SOX6: variants seen among roughly 807,000 people sequenced by gnomAD.
SOX6 encodes SRY-box transcription factor 6.
Under a neutral mutation model 97.8 loss-of-function variants are expected in SOX6, and 11 were observed. That is an observed-to-expected ratio of 0.11 (90% confidence interval 0.07 to 0.19). The LOEUF is 0.19. SOX6 is among the 10% of genes least tolerant of loss of function. The probability of loss-of-function intolerance (pLI) is 1.00; values close to 1 mark genes in which losing one functional copy is unlikely to be tolerated. For synonymous variants in SOX6, 360 were observed against 371.4 expected, an observed-to-expected ratio of 0.97 and a Z score of 0.35; for missense variants, 810 against 1,039.5, an observed-to-expected ratio of 0.78 and a Z score of 3.04.
intron 6 of SOX6, among the ~76,000 whole-genome samples, chr11:16,135,244 T>G (rs1849931038): frequency 6.6e-6 from 1 of 152,190 alleles, no homozygotes; most frequent in African/African-American, 2.4e-5. Context: ...ACATGGAGAT[T>G]AATGTTGTTT....
intron 9 of SOX6, among the ~76,000 whole-genome samples, chr11:16,078,986 G>C (rs11023841): frequency 0.069 from 10,436 of 152,166 alleles, 400 homozygotes; most frequent in Non-Finnish European, 0.096. Context: ...AGATCATGTA[G>C]GTCTTATATA....
At chr11:16,132,401 A>AAAAAGAAAG (rs1849807867) in intron 6 of SOX6, among the ~76,000 whole-genome samples, 1 of 43,844 alleles carries the variant, frequency 2.3e-5, no homozygotes, top group African/African-American at 1.1e-4. Context: ...AAAGAAAGAA[A>AAAAAGAAAG]AAAGAAAGAA....
chr11:16,591,581 A>G (rs1848154790), intron 4 of SOX6, among the ~76,000 whole-genome samples: 1 of 152,158 alleles, frequency 6.6e-6, no homozygotes, highest in Non-Finnish European at 1.5e-5. Flanking sequence ...ATTCTATGCT[A>G]TCACTTACAA....
intron 1 of SOX6, among the ~76,000 whole-genome samples, chr11:16,737,873 A>G (rs563938405): frequency 1.6e-4 from 25 of 152,186 alleles, no homozygotes; most frequent in Non-Finnish European, 3.7e-4. Flanking sequence ...GGTTAATTTT[A>G]TATGTGAATT....
chr11:16,243,872 C>T (rs755999562), intron 3 of SOX6, among the ~76,000 whole-genome samples: 1 of 151,756 alleles, frequency 6.6e-6, no homozygotes, highest in Admixed American at 6.6e-5. Flanking sequence ...TATTAATTTC[C>T]ATTTTATGAA....
chr11:16,146,209 C>A (rs1850290675), intron 6 of SOX6, among the ~76,000 whole-genome samples: 1 of 152,158 alleles, frequency 6.6e-6, no homozygotes, highest in Non-Finnish European at 1.5e-5. Flanking sequence ...ACATCTACAA[C>A]TATCTGATCT....
chr11:16,603,972 C>T (rs1848302355), intron 4 of SOX6, among the ~76,000 whole-genome samples: 1 of 152,230 alleles, frequency 6.6e-6, no homozygotes, highest in Non-Finnish European at 1.5e-5. Context: ...CCCGTGCCTG[C>T]GGGCCTCGGG....
At chr11:16,398,943 T>G (rs1056193052) in intron 1 of SOX6, among the ~76,000 whole-genome samples, 1 of 151,348 alleles carries the variant, frequency 6.6e-6, no homozygotes, top group Non-Finnish European at 1.5e-5. Context: ...CATAGAATCT[T>G]TTAAGAAAGG....
intron 15 of SOX6, 123 bp from the exon 16 acceptor site, chr11:15,973,235 TC>T: frequency 2.1e-6 from 2 of 945,252 alleles, no homozygotes; most frequent in Non-Finnish European, 3.2e-6. Context: ...TAAATAACAT[TC>T]TAAGCAAATA....
At chr11:16,433,624 T>G (rs1455561306) in intron 1 of SOX6, among the ~76,000 whole-genome samples, 1 of 152,070 alleles carries the variant, frequency 6.6e-6, no homozygotes, top group Non-Finnish European at 1.5e-5. Context: ...TTTTTCAAAT[T>G]TTGGGGTTTT....
chr11:16,114,741 T>C (rs1192420025), intron 6 of SOX6, among the ~76,000 whole-genome samples: 1 of 152,184 alleles, frequency 6.6e-6, no homozygotes, highest in Admixed American at 6.5e-5. Context: ...GAGGTGGGAA[T>C]ACATGCTCAT....
chr11:16,689,110 T>C (rs1158984885), intron 3 of SOX6, among the ~76,000 whole-genome samples: 1 of 152,200 alleles, frequency 6.6e-6, no homozygotes, highest in Non-Finnish European at 1.5e-5. Context: ...TCATTGATTG[T>C]TATTTCTTCT....
chr11:16,252,796 C>T lies in SOX6; in HGVS notation c.446-18125G>A, dbSNP rs554033441. Reference sequence around the variant, plus strand: ...CACTTGGGAGAAGGAAAATACTCAACTCCAGCCCACTCCAGCCATCCTCTC... The same window carrying T: ...CACTTGGGAGAAGGAAAATACTCAATTCCAGCCCACTCCAGCCATCCTCTC... On this transcript the variant is annotated intron_variant, in intron 3 of 15. Coordinates refer to ENST00000683767, the MANE Select transcript of SOX6 (RefSeq NM_001367873.1). Among the ~76,000 whole-genome samples the T allele has an allele frequency of 4.6e-5, 7 of 152,192 alleles. No individual in the cohort carries two copies. In the East Asian group the frequency reaches 1.4e-3, roughly 29 times the overall value.
chr11:16,723,973 A>G (rs1848286165), intron 2 of SOX6, among the ~76,000 whole-genome samples: 1 of 152,230 alleles, frequency 6.6e-6, no homozygotes, highest in African/African-American at 2.4e-5. Flanking sequence ...CCACTGATTC[A>G]ACAACACTAG....
chr11:16,274,052 C>A (rs888905546), intron 3 of SOX6, among the ~76,000 whole-genome samples: 1 of 152,004 alleles, frequency 6.6e-6, no homozygotes, highest in Non-Finnish European at 1.5e-5. Context: ...GTATAATGCC[C>A]TTATCTTTCA....
intron 4 of SOX6, among the ~76,000 whole-genome samples, chr11:16,187,733 T>C (rs1851520024): frequency 1.3e-5 from 2 of 152,210 alleles, no homozygotes; most frequent in African/African-American, 2.4e-5. Context: ...TGAACACTTA[T>C]GGTATGCACT....
intron 4 of SOX6, among the ~76,000 whole-genome samples, chr11:16,583,603 G>GTATATATATACATATATATA (rs1565186347): frequency 4.4e-4 from 10 of 22,662 alleles, no homozygotes; most frequent in Middle Eastern, 0.042. Flanking sequence ...GTATATATGT[G>GTATATATATACATATATATA]TATATATATA....
chr11:16,646,510 T>A (rs1849017769), intron 3 of SOX6, among the ~76,000 whole-genome samples: 1 of 151,876 alleles, frequency 6.6e-6, no homozygotes, highest in East Asian at 1.9e-4. Flanking sequence ...GGGGAACATG[T>A]GGTATTTGGT....
intron 1 of SOX6, among the ~76,000 whole-genome samples, chr11:16,397,758 G>T (rs1473032570): frequency 6.6e-6 from 1 of 151,432 alleles, no homozygotes; most frequent in Non-Finnish European, 1.5e-5. Flanking sequence ...ACACTAAAAG[G>T]TATAAATCTT....
Sources: allele counts gnomAD v4.1 joint callset (sites outside exome capture counted in the v4.1 genomes callset), GRCh38; gene constraint gnomAD v4.1.1; transcripts MANE v1.5; gene names NCBI Gene and HGNC (gene_info 2026-07-23, HGNC 2026-07-21).